DOT1L: variants seen among roughly 807,000 people sequenced by gnomAD.
DOT1L encodes histone-lysine N-methyltransferase, H3 lysine-79 specific.
A neutral mutation model predicts 153.3 loss-of-function variants in DOT1L; 33 were observed. The observed-to-expected ratio is 0.22, with a 90% CI of 0.16 to 0.29. DOT1L has a LOEUF of 0.29. Among genes scored for constraint, DOT1L ranks in the 10% least tolerant of loss-of-function variants. DOT1L has a pLI of 1.00. For synonymous variants in DOT1L, 1,135 were observed against 965.1 expected (o/e 1.18, Z -3.26); for missense variants, 1,847 against 2,119.9 (o/e 0.87, Z 2.53).
rs933092898 is a variant in DOT1L at position 2,208,464 on chromosome 19, G to A, written c.964-471G>A. ...CACCCCGCCCTCCCACTGCTCCCCC[G>A]AGGGCCCTGGGACGAGAGGCATGGT... is the stretch of plus-strand genomic sequence containing the variant. On this transcript the variant is annotated intron_variant, in intron 11 of 27. Coordinates refer to ENST00000398665, the MANE Select transcript of DOT1L (RefSeq NM_032482.3). This position sits in a 1 kb window ranked among gnomAD's most constrained non-coding sequence, Gnocchi z 4.4. 2.0e-5 allele frequency among the ~76,000 whole-genome samples: 3 copies of A among 152,110 alleles called. No homozygotes were observed. Among genetic ancestry groups the A allele is most frequent in the African/African-American group, 2.4e-5 (1 of 41,418 alleles).
Position 2,190,576 on chromosome 19 carries a change from G to A in DOT1L, c.265-436G>A, listed in dbSNP as rs890105409. Reference sequence around the variant, plus strand: ...CTCAGCCTGCTGCAGCTGGTGGGGAGGAAGGCGGGGTCCCACGTAGTCGAG... The same window carrying A: ...CTCAGCCTGCTGCAGCTGGTGGGGAAGAAGGCGGGGTCCCACGTAGTCGAG... On this transcript the variant is annotated intron_variant, in intron 4 of 27. Coordinates refer to ENST00000398665, the MANE Select transcript of DOT1L (RefSeq NM_032482.3). This position sits in a 1 kb window ranked among gnomAD's most constrained non-coding sequence, Gnocchi z 4.8. Among the ~76,000 whole-genome samples, 1 of 152,114 alleles carries A rather than the reference G, an allele frequency of 6.6e-6. No individual in the cohort carries two copies. Among genetic ancestry groups the A allele is most frequent in the African/African-American group, 2.4e-5 (1 of 41,424 alleles).
At chr19:2,187,471 T>A (rs1314555539) in intron 3 of DOT1L, among the ~76,000 whole-genome samples, 1 of 152,212 alleles carries the variant, frequency 6.6e-6, no homozygotes, top group African/African-American at 2.4e-5. Context: ...CAGGGCCACC[T>A]GAGGGACCGA....
chr19:2,210,890 C>A (rs1196669239), intron 14 of DOT1L, 35 bp downstream of exon 14: 1 of 1,603,164 alleles, frequency 6.2e-7, no homozygotes, highest in Admixed American at 1.7e-5. Context: ...CCCGCTCTCC[C>A]CGAGTGCGGA....
At chr19:2,228,831 A>G in intron 27 of DOT1L, 2 of 985,386 alleles carry the variant, frequency 2.0e-6, no homozygotes, top group Non-Finnish European at 2.4e-6. Flanking sequence ...CCGGCTGCAG[A>G]GGTCCTGGAG....
At chr19:2,223,195 C>G in intron 24 of DOT1L, 86 bp from the exon 25 acceptor site, 1 of 1,477,032 alleles carries the variant, frequency 6.8e-7, no homozygotes, top group East Asian at 2.3e-5. Flanking sequence ...GGGGTGCAGA[C>G]AGGAGCCTCC....
chr19:2,231,727 G>C lies in DOT1L; in HGVS notation c.*1935G>C, dbSNP rs1306167749. On this transcript the variant is annotated 3_prime_UTR_variant, in exon 28 of 28. Transcript: ENST00000398665. ...GATACGCCACAGGGTTGATGGCAGA[G>C]ACGGCCGAGTCCCTGGTCTAGAACA... 21 of 213,556 alleles carry C rather than the reference G, an allele frequency of 9.8e-5. No homozygotes were observed. In the Admixed American group the frequency reaches 1.2e-3, roughly 12 times the overall value. 13.2% of individuals were successfully genotyped at this position (213,556 alleles called of 1,614,324 possible).
chr19:2,201,185 TC>T (rs2023263225), intron 8 of DOT1L, among the ~76,000 whole-genome samples: 1 of 141,964 alleles, frequency 7.0e-6, no homozygotes, highest in East Asian at 2.1e-4. Context: ...GCATTCCTCG[TC>T]CTCCCCTCAT....
chr19:2,214,236 G>A, intron 18 of DOT1L: 1 of 877,658 alleles, frequency 1.1e-6, no homozygotes, highest in Non-Finnish European at 1.7e-6. Flanking sequence ...GAGGTGTGGG[G>A]TCATGCGAGC....
chr19:2,197,458 C>T lies in DOT1L; in HGVS notation c.652-2426C>T, dbSNP rs531570497. On this transcript the variant is annotated intron_variant, in intron 7 of 27. Coordinates refer to ENST00000398665, the MANE Select transcript of DOT1L (RefSeq NM_032482.3). This position sits in a 1 kb window ranked among gnomAD's most constrained non-coding sequence, Gnocchi z 4.1. ...CTCCGCGCGGTCTGGCTGGGCTGAG[C>T]CTTGCTCAGGAGAGGGGTGCTGTCG... Among the ~76,000 whole-genome samples the T allele has an allele frequency of 1.9e-3, 296 of 152,316 alleles. No homozygotes were observed. Among genetic ancestry groups the T allele is most frequent in the Middle Eastern group, 6.8e-3 (2 of 294 alleles).
Position 2,191,385 on chromosome 19 carries a change from G to T in DOT1L, c.493+145G>T, listed in dbSNP as rs2022786649. The T allele has an allele frequency of 4.8e-6, 4 of 831,458 alleles. No homozygotes were observed. The highest frequency in any genetic ancestry group is 1.7e-5 in the African/African-American group (1 of 58,794). 51.5% of individuals were successfully genotyped at this position (831,458 alleles called of 1,614,324 possible). On this transcript the variant is annotated intron_variant, in intron 5 of 27. Transcript: ENST00000398665. This position sits in a 1 kb window ranked among gnomAD's most constrained non-coding sequence, Gnocchi z 6.8. The stretch of plus-strand genomic sequence containing the variant: ...TTCCTTCTCCCAGCGCCTCTGTCCC[G>T]CTGTGGGGCCGTTCCTTTCCCCAGC...
intron 3 of DOT1L, among the ~76,000 whole-genome samples, chr19:2,187,923 G>GAAAA (rs11453591): frequency 7.6e-6 from 1 of 130,948 alleles, no homozygotes; most frequent in Non-Finnish European, 1.6e-5. Flanking sequence ...CTCCATCTCA[G>GAAAA]AAAAAAAAAA....
chr19:2,220,553 G>A lies in DOT1L; in HGVS notation c.2806+331G>A. On this transcript the variant is annotated intron_variant, in intron 23 of 27. Coordinates refer to ENST00000398665, the MANE Select transcript of DOT1L (RefSeq NM_032482.3). The surrounding 1 kb of genome is among the most constrained non-coding windows in gnomAD (Gnocchi z 4.5). ...GCTGGGAGGCCCCTGACTCAGGATC[G>A]GCTCCACACACAGCAGTGCCCAATG... 4.1e-6 allele frequency: 2 copies of A among 493,602 alleles called. No individual in the cohort carries two copies. Among genetic ancestry groups the A allele is most frequent in the South Asian group, 1.5e-5 (1 of 64,870 alleles). 30.6% of individuals were successfully genotyped at this position (493,602 alleles called of 1,614,324 possible). A position where few individuals can be genotyped will look rare whatever the true frequency, so the allele number is the denominator to read the frequency against.
intron 3 of DOT1L, among the ~76,000 whole-genome samples, chr19:2,186,467 G>C (rs572583782): frequency 1.3e-5 from 2 of 150,802 alleles, no homozygotes; most frequent in East Asian, 3.9e-4. Context: ...TGACAAGGAA[G>C]ACATTCCAGG....
At chr19:2,228,996 G>A in intron 27 of DOT1L, 2 of 985,436 alleles carry the variant, frequency 2.0e-6, no homozygotes, top group Non-Finnish European at 2.4e-6. Context: ...TGCCCTGCGT[G>A]TTGAGGCCCC....
chr19:2,216,067 T>C, intron 19 of DOT1L: 2 of 568,254 alleles, frequency 3.5e-6, no homozygotes, highest in Non-Finnish European at 3.0e-6. Flanking sequence ...GGTGCTTCCA[T>C]GTCAGCAAAA....
intron 2 of DOT1L, among the ~76,000 whole-genome samples, chr19:2,182,598 C>T (rs1262085159): frequency 6.6e-6 from 1 of 152,012 alleles, no homozygotes; most frequent in African/African-American, 2.4e-5. Context: ...GCAGGTTCTG[C>T]CAGTGCTGCC....
At chr19:2,170,250 C>G (rs1268137937) in intron 1 of DOT1L, among the ~76,000 whole-genome samples, 1 of 152,180 alleles carries the variant, frequency 6.6e-6, no homozygotes, top group Non-Finnish European at 1.5e-5. Context: ...AAGATAGTGT[C>G]CGAGACCAGG....
At chr19:2,174,489 C>T (rs1225488412) in intron 1 of DOT1L, among the ~76,000 whole-genome samples, 2 of 152,110 alleles carry the variant, frequency 1.3e-5, no homozygotes, top group Non-Finnish European at 2.9e-5. Context: ...GAGTTTGAAA[C>T]CAGCCTGACC....
In DOT1L at chr19:2,231,912, G is replaced by A. The variant is rs1271563118; in HGVS notation, c.*2120G>A. On this transcript the variant is annotated 3_prime_UTR_variant, in exon 28 of 28. Transcript: ENST00000398665. The stretch of plus-strand genomic sequence containing the variant: ...ACTGGGTCTCAGAGCCACTGGCCCA[G>A]GCAGAAGTCTCCTTGAGCCCACTGG... 1.8e-5 allele frequency: 4 copies of A among 218,668 alleles called. No individual in the cohort carries two copies. In the Admixed American group the frequency reaches 2.3e-4, roughly 13 times the overall value. 13.5% of individuals were successfully genotyped at this position (218,668 alleles called of 1,614,324 possible).
Sources: allele counts gnomAD v4.1 joint callset (sites outside exome capture counted in the v4.1 genomes callset), GRCh38; gene constraint gnomAD v4.1.1; non-coding constraint Gnocchi (gnomAD v3.1); transcripts MANE v1.5; gene names NCBI Gene and HGNC (gene_info 2026-07-23, HGNC 2026-07-21).